The following NUP88 variants were observed in gnomAD, a reference collection of about 807,000 sequenced individuals.
NUP88 encodes nuclear pore complex protein Nup88.
Under a neutral mutation model 93.9 loss-of-function variants are expected in NUP88, and 57 were observed. That is an observed-to-expected ratio of 0.61 (90% confidence interval 0.49 to 0.76). NUP88 has a LOEUF of 0.76. Ranked by LOEUF, NUP88 falls within the 30% of genes least tolerant of loss-of-function variation. The probability of loss-of-function intolerance (pLI) is 0.00; values close to 1 mark genes in which losing one functional copy is unlikely to be tolerated. For synonymous variants in NUP88, 346 were observed against 336.8 expected (o/e 1.03, Z -0.30); for missense variants, 911 against 901.0 (o/e 1.01, Z -0.14).
chr17:5,410,781 G>T lies in NUP88; in HGVS notation c.602C>A (p.Ser201Ter). 1.2e-6 allele frequency: 2 copies of T among 1,601,336 alleles called. No homozygotes were observed. The highest frequency in any genetic ancestry group is 1.1e-5 in the South Asian group (1 of 88,256). Residue 201 changes from serine (S) to a stop codon, truncating the protein, a stop_gained, in exon 4 of 17, where the codon TCA becomes TAA. Transcript: ENST00000573584. LOFTEE classifies it high-confidence loss of function. ...AGTGGGTGTCTGCGGCTCACGTAGT[G>T]AGTAAATTCTAGCAACCAAAAGAGA... ...LTSDNVIRIY[S>*]LREPQTPTNV...
chr17:5,387,829 T>C lies in NUP88; in HGVS notation c.1719A>G (p.Arg573=). The C allele has an allele frequency of 1.9e-6, 3 of 1,614,052 alleles. No homozygotes were observed. The highest frequency in any genetic ancestry group is 2.5e-6 in the Non-Finnish European group (3 of 1,180,008). ...AGTCCTGTTTGAGAATGTACTGCTC[T>C]CTGAACACCTGGGTGGCTCTGCTGA... ...QLLSRATQVF[R]EQYILKQDLA... The change falls in exon 12 of 17, where the codon AGA becomes AGG. Residue 573 remains arginine (R), a synonymous_variant. Coordinates refer to ENST00000573584, the MANE Select transcript of NUP88 (RefSeq NM_002532.6).
chr17:5,386,590 A>G, intron 16 of NUP88, 118 bp downstream of exon 16: 2 of 768,120 alleles, frequency 2.6e-6, no homozygotes, highest in East Asian at 4.9e-5. Flanking sequence ...CTCTCATCCC[A>G]GTAATTACTT....
At position 5,391,602 on chromosome 17, in the gene NUP88, G is replaced by C. The variant is rs946183175; in HGVS notation, c.1443C>G (p.Ile481Met). 4 of 1,614,162 alleles carry C rather than the reference G, an allele frequency of 2.5e-6. No homozygotes were observed. The highest frequency in any genetic ancestry group is 3.4e-6 in the Non-Finnish European group (4 of 1,179,992). The change falls in exon 10 of 17, where the codon ATC becomes ATG. Residue 481 changes from isoleucine (I) to methionine (M), a missense_variant. Transcript: ENST00000573584. ...GGCATTCATAGGTACTGGTGATGCA[G>C]ATCATCGTGGGTCCCAGAATGTCAG... is the stretch of plus-strand genomic sequence containing the variant. Reference protein sequence around the residue: ...IVPDILGPTMICITSTYECLI... With the variant: ...IVPDILGPTMMCITSTYECLI...
intron 10 of NUP88, among the ~76,000 whole-genome samples, chr17:5,390,508 G>A (rs181400539): frequency 6.6e-6 from 1 of 152,226 alleles, no homozygotes; most frequent in Admixed American, 6.5e-5. Flanking sequence ...GCATCCAGAG[G>A]TGCAAGCTTT....
chr17:5,394,412 C>T (rs115064370), intron 9 of NUP88, among the ~76,000 whole-genome samples: 1 of 152,122 alleles, frequency 6.6e-6, no homozygotes, highest in African/African-American at 2.4e-5. Context: ...GCAACCACAT[C>T]AAATAAACAC....
chr17:5,418,118 T>G (rs940942574), intron 1 of NUP88: 1 of 145,654 alleles, frequency 6.9e-6, no homozygotes, highest in Admixed American at 6.9e-5. Flanking sequence ...CACTCCAGCC[T>G]GGGCAACAAG....
At chr17:5,406,259 G>A (rs1913482640) in intron 5 of NUP88, among the ~76,000 whole-genome samples, 1 of 152,220 alleles carries the variant, frequency 6.6e-6, no homozygotes, top group Admixed American at 6.5e-5. Context: ...GAAGGGGATT[G>A]TTGAGCATTC....
chr17:5,397,635 A>G (rs148989438), intron 8 of NUP88, among the ~76,000 whole-genome samples: 3 of 152,352 alleles, frequency 2.0e-5, no homozygotes, highest in East Asian at 1.9e-4. Context: ...CTACAAAACT[A>G]TAAGATAACA....
chr17:5,411,559 C>T (rs1240674349), intron 3 of NUP88, among the ~76,000 whole-genome samples: 2 of 138,180 alleles, frequency 1.4e-5, no homozygotes, highest in African/African-American at 2.7e-5. Flanking sequence ...CCAGCCTGGG[C>T]GACAGAGCGA....
Position 5,385,577 on chromosome 17 carries a change from G to A in NUP88, c.*629C>T, listed in dbSNP as rs1392024642. The A allele has an allele frequency of 4.3e-6, 1 of 230,846 alleles. No individual in the cohort carries two copies. 14.3% of individuals were successfully genotyped at this position (230,846 alleles called of 1,614,324 possible). A position where few individuals can be genotyped will look rare whatever the true frequency, so the allele number is the denominator to read the frequency against. ...TAACCTATTTTTTTCTCCCTTTAAG[G>A]TGCTAAACTTGCACCTCATGTCCAC... On this transcript the variant is annotated 3_prime_UTR_variant, in exon 17 of 17. Coordinates refer to ENST00000573584, the MANE Select transcript of NUP88 (RefSeq NM_002532.6).
At chr17:5,398,949 C>T (rs1435807007) in intron 8 of NUP88, among the ~76,000 whole-genome samples, 2 of 142,978 alleles carry the variant, frequency 1.4e-5, no homozygotes, top group Admixed American at 7.3e-5. Flanking sequence ...AGTGCAGTGG[C>T]GTGATCTTGG....
In NUP88 at chr17:5,411,678, T is replaced by C; in HGVS notation, c.594-889A>G. Among the ~76,000 whole-genome samples the C allele has an allele frequency of 2.6e-5, 4 of 152,298 alleles. No homozygotes were observed. In the South Asian group the frequency reaches 8.3e-4, roughly 32 times the overall value. ...CTGAATTTTTTTAACCAAAATTATT[T>C]TAATTTAAAGTAACCTACATTTCAC... On this transcript the variant is annotated intron_variant, in intron 3 of 16. Transcript: ENST00000573584.
chr17:5,399,183 AC>A (rs1912988495), intron 8 of NUP88, among the ~76,000 whole-genome samples: 1 of 111,390 alleles, frequency 9.0e-6, no homozygotes, highest in Non-Finnish European at 1.8e-5. Context: ...GAGCCACCGC[AC>A]CCGGCCTTTT....
chr17:5,416,393 G>C (rs1177024998), intron 2 of NUP88, 120 bp downstream of exon 2: 3 of 629,832 alleles, frequency 4.8e-6, no homozygotes, highest in African/African-American at 1.9e-5. Flanking sequence ...CCAGTCTGCA[G>C]ACCACGAGGA....
At chr17:5,416,454 G>T in intron 2 of NUP88, 59 bp downstream of exon 2, 1 of 1,257,922 alleles carries the variant, frequency 7.9e-7, no homozygotes, top group Non-Finnish European at 1.1e-6. Flanking sequence ...AGAACCACTA[G>T]TCTTGAACAA....
Position 5,416,500 on chromosome 17 carries a change from G to C in NUP88, c.467+13C>G. On this transcript the variant is annotated intron_variant, in intron 2 of 16. Transcript: ENST00000573584. ...ATATAATAAATTATACAGATAAATA[G>C]TATACAACTTACCTACAATTCACTG... is the stretch of plus-strand genomic sequence containing the variant. 1 of 1,577,280 alleles carries C rather than the reference G, an allele frequency of 6.3e-7. No homozygotes were observed. The highest frequency in any genetic ancestry group is 8.7e-7 in the Non-Finnish European group (1 of 1,154,100).
At chr17:5,409,367 T>TC (rs1244369935) in intron 4 of NUP88, among the ~76,000 whole-genome samples, 4 of 101,774 alleles carry the variant, frequency 3.9e-5, no homozygotes, top group African/African-American at 1.6e-4. Flanking sequence ...AGAGCGAAAC[T>TC]CCGTCTCAAA....
chr17:5,398,065 C>A (rs1348972458), intron 8 of NUP88, among the ~76,000 whole-genome samples: 1 of 151,776 alleles, frequency 6.6e-6, no homozygotes, highest in Non-Finnish European at 1.5e-5. Context: ...CGCCACTATG[C>A]CTGGCTAATT....
In NUP88 at chr17:5,385,533, A is replaced by G. The variant is rs1911885266; in HGVS notation, c.*673T>C. 4.3e-6 allele frequency: 1 copy of G among 230,986 alleles called. No homozygotes were observed. Among genetic ancestry groups the G allele is most frequent in the Non-Finnish European group, 8.6e-6 (1 of 116,742 alleles). 14.3% of individuals were successfully genotyped at this position (230,986 alleles called of 1,614,324 possible). On this transcript the variant is annotated 3_prime_UTR_variant, in exon 17 of 17. Coordinates refer to ENST00000573584, the MANE Select transcript of NUP88 (RefSeq NM_002532.6). ...AGATGACTTAAGGTGAAGTGAGGAC[A>G]AAATCACATTCTGCATACTAACCTA...
Sources: allele counts gnomAD v4.1 joint callset (sites outside exome capture counted in the v4.1 genomes callset), GRCh38; gene constraint gnomAD v4.1.1; transcripts MANE v1.5; gene names NCBI Gene and HGNC (gene_info 2026-07-23, HGNC 2026-07-21).